PARD3: variants seen among roughly 807,000 people sequenced by gnomAD.
The protein encoded by PARD3 is par-3 family cell polarity regulator, also known as partitioning defective 3 homolog.
In PARD3, 75 loss-of-function variants were observed where a neutral mutation model predicts 155.4. That is an observed-to-expected ratio of 0.48 (90% CI 0.40 to 0.58). PARD3 has a LOEUF of 0.58. Among genes scored for constraint, PARD3 ranks in the 20% least tolerant of loss-of-function variants. The pLI is 0.00. For synonymous variants in PARD3, 576 were observed against 610.5 expected, an observed-to-expected ratio of 0.94 and a Z score of 0.83; for missense variants, 1,642 against 1,721.7, an observed-to-expected ratio of 0.95 and a Z score of 0.82.
chr10:34,748,339 G>A (rs937073124), intron 1 of PARD3, among the ~76,000 whole-genome samples: 3 of 151,976 alleles, frequency 2.0e-5, no homozygotes, highest in Admixed American at 6.6e-5. Context: ...GTGTGGTGGC[G>A]TGCGCCTGTA....
At chr10:34,424,954 T>C (rs2075516765) in intron 5 of PARD3, among the ~76,000 whole-genome samples, 1 of 152,206 alleles carries the variant, frequency 6.6e-6, no homozygotes, top group Non-Finnish European at 1.5e-5. Flanking sequence ...GCATTCCACA[T>C]TTTATACCTC....
intron 2 of PARD3, among the ~76,000 whole-genome samples, chr10:34,568,771 C>T (rs962590420): frequency 6.6e-6 from 1 of 152,164 alleles, no homozygotes; most frequent in African/African-American, 2.4e-5. Context: ...GCAAATTAAC[C>T]TCTCTGAACT....
chr10:34,630,260 C>T (rs1181640034), intron 2 of PARD3, among the ~76,000 whole-genome samples: 1 of 152,184 alleles, frequency 6.6e-6, no homozygotes, highest in Non-Finnish European at 1.5e-5. Flanking sequence ...CACGACCAGG[C>T]CTTGCCTGAT....
At chr10:34,711,130 T>C (rs1045029997) in intron 1 of PARD3, among the ~76,000 whole-genome samples, 2 of 151,946 alleles carry the variant, frequency 1.3e-5, no homozygotes, top group Admixed American at 1.3e-4. Context: ...TGAACTAAGA[T>C]TGCATTGCCA....
intron 2 of PARD3, among the ~76,000 whole-genome samples, chr10:34,612,067 C>A (rs2090951062): frequency 6.6e-6 from 1 of 151,840 alleles, no homozygotes; most frequent in Non-Finnish European, 1.5e-5. Context: ...ACCTCGTGAT[C>A]CGCCCGCCTC....
intron 1 of PARD3, among the ~76,000 whole-genome samples, chr10:34,796,689 A>T (rs944527909): frequency 2.6e-5 from 4 of 152,228 alleles, no homozygotes; most frequent in African/African-American, 9.6e-5. Flanking sequence ...GTACCCTTGA[A>T]GAAATTATTT....
At chr10:34,489,825 T>C (rs1454592201) in intron 3 of PARD3, among the ~76,000 whole-genome samples, 2 of 152,238 alleles carry the variant, frequency 1.3e-5, no homozygotes, top group African/African-American at 4.8e-5. Context: ...TCATGACTGA[T>C]CAAATCCTCA....
chr10:34,799,999 A>G (rs1842699845), intron 1 of PARD3, among the ~76,000 whole-genome samples: 1 of 151,968 alleles, frequency 6.6e-6, no homozygotes, highest in Non-Finnish European at 1.5e-5. Flanking sequence ...CATAGGTGGT[A>G]CATACCTGTA....
chr10:34,699,682 AG>A (rs1264993695), intron 1 of PARD3, among the ~76,000 whole-genome samples: 1 of 152,192 alleles, frequency 6.6e-6, no homozygotes, highest in Admixed American at 6.5e-5. Flanking sequence ...AATTGTGATA[AG>A]GTCCGGCATG....
chr10:34,177,928 T>C (rs1326146897), intron 22 of PARD3, among the ~76,000 whole-genome samples: 1 of 152,186 alleles, frequency 6.6e-6, no homozygotes, highest in Non-Finnish European at 1.5e-5. Flanking sequence ...TTCAACTGCT[T>C]CTCGCTTTAT....
At chr10:34,133,671 G>A (rs960727545) in intron 22 of PARD3, among the ~76,000 whole-genome samples, 1 of 152,166 alleles carries the variant, frequency 6.6e-6, no homozygotes, top group East Asian at 1.9e-4. Context: ...CTTGGAAAGA[G>A]AAATTCTGTC....
chr10:34,316,862 T>G (rs1454792600), intron 20 of PARD3, among the ~76,000 whole-genome samples: 1 of 152,182 alleles, frequency 6.6e-6, no homozygotes, highest in Non-Finnish European at 1.5e-5. Flanking sequence ...ATCTCAAAGA[T>G]AATGTTTTCA....
chr10:34,405,275 A>T (rs7912827), intron 5 of PARD3, among the ~76,000 whole-genome samples: 86,506 of 151,906 alleles, frequency 0.57, 26,415 homozygotes, highest in African/African-American at 0.81. Context: ...ACAGAAAACA[A>T]ACCTCGATAA....
chr10:34,506,201 C>A (rs2081051442), intron 3 of PARD3, among the ~76,000 whole-genome samples: 1 of 152,112 alleles, frequency 6.6e-6, no homozygotes, highest in African/African-American at 2.4e-5. Context: ...GCTTGGGCCC[C>A]ACCAAAGTCA....
chr10:34,722,311 T>C (rs2094621568), intron 1 of PARD3, among the ~76,000 whole-genome samples: 1 of 152,170 alleles, frequency 6.6e-6, no homozygotes, highest in Admixed American at 6.6e-5. Flanking sequence ...ACAAATAAGA[T>C]TTGCCCGTCA....
At chr10:34,240,526 A>G (rs189004330) in intron 22 of PARD3, among the ~76,000 whole-genome samples, 12 of 152,266 alleles carry the variant, frequency 7.9e-5, no homozygotes, top group Admixed American at 5.2e-4. Context: ...CAGGAGTTTT[A>G]GTTTTTCAGA....
chr10:34,284,080 GA>G (rs888023390), intron 21 of PARD3, 54 bp downstream of exon 21: 16,049 of 705,834 alleles, frequency 0.023, no homozygotes, highest in East Asian at 0.026. Flanking sequence ...AAAGTAGAAA[GA>G]AAAAAAAAAA....
intron 2 of PARD3, among the ~76,000 whole-genome samples, chr10:34,521,118 T>C (rs1205298324): frequency 6.6e-6 from 1 of 152,212 alleles, no homozygotes; most frequent in African/African-American, 2.4e-5. Context: ...AATAAGTCTT[T>C]AAATGCCACA....
At chr10:34,630,774 CAA>C (rs1238998405) in intron 2 of PARD3, among the ~76,000 whole-genome samples, 1 of 151,528 alleles carries the variant, frequency 6.6e-6, no homozygotes, top group Admixed American at 6.6e-5. Flanking sequence ...CTAGGAGGAG[CAA>C]ACACACATAG....
Sources: allele counts gnomAD v4.1 joint callset (sites outside exome capture counted in the v4.1 genomes callset), GRCh38; gene constraint gnomAD v4.1.1; transcripts MANE v1.5; gene names NCBI Gene and HGNC (gene_info 2026-07-23, HGNC 2026-07-21).